ZNF263: variants seen among roughly 807,000 people sequenced by gnomAD.
The protein encoded by ZNF263 is zinc finger protein 263, also known as zinc finger protein FPM315.
Under a neutral mutation model 63.1 loss-of-function variants are expected in ZNF263, and 49 were observed. The observed-to-expected ratio is 0.78, with a 90% confidence interval of 0.62 to 0.99. The LOEUF (loss-of-function observed/expected upper bound fraction) is 0.99, where lower values mean the gene tolerates loss of function less well. Ranked by LOEUF, ZNF263 falls within the 50% of genes least tolerant of loss-of-function variation. ZNF263 has a pLI of 0.00. For missense variants in ZNF263, 872 were observed against 854.8 expected (o/e 1.02, Z -0.25); for synonymous variants, 352 against 324.2 (o/e 1.09, Z -0.92).
chr16:3,284,321 G>T, intron 1 of ZNF263, 116 bp downstream of exon 1: 1 of 1,374,512 alleles, frequency 7.3e-7, no homozygotes, highest in African/African-American at 1.5e-5. Context: ...GTGGGGAAGA[G>T]GACTTGTGAT....
At chr16:3,299,779 A>G (rs141363326) in intron 2 of ZNF263, 30 of 1,566,740 alleles carry the variant, frequency 1.9e-5, no homozygotes, top group Non-Finnish European at 2.5e-5. Flanking sequence ...TAGAACATTA[A>G]GTTGAAAATG....
downstream of ZNF263, chr16:3,291,601 G>A (rs944122988): frequency 5.7e-6 from 4 of 700,684 alleles, no homozygotes; most frequent in Middle Eastern, 7.1e-4. Context: ...GCAGCAGACA[G>A]GCAGAGGCAG....
Position 3,300,304 on chromosome 16 carries a change from T to C in ZNF263, c.*47-609T>C. 1.9e-6 allele frequency: 3 copies of C among 1,614,230 alleles called. No homozygotes were observed. The Admixed American group carries it at 5.0e-5, about 27-fold the overall frequency. On this transcript the variant is annotated intron_variant, in intron 2 of 2. Transcript: ENST00000574674. ...CCGTGCAAATCTCTCTGCAGCAGCC[T>C]GAAGCTCCACGCCTCTTACCGGAAC...
rs761905868 is a variant in ZNF263, at chr16:3,289,515, C to G, written c.1009C>G (p.Pro337Ala). ...GCCCTGGAGTCCTGAGCTGGGAAGA[C>G]CTCATGACCGGTCGCAAGGGGATTG... ...EVPWSPELGR[P>A]HDRSQGDWAP... Residue 337 changes from proline to alanine, a missense_variant, in exon 6 of 6, where the codon CCT becomes GCT. Transcript: ENST00000219069. The G allele has an allele frequency of 6.3e-7, 1 of 1,587,392 alleles. No homozygotes were observed. Among genetic ancestry groups the G allele is most frequent in the Non-Finnish European group, 8.6e-7 (1 of 1,166,538 alleles).
downstream of ZNF263, chr16:3,293,058 C>T (rs1473938598): frequency 6.6e-6 from 1 of 152,230 alleles, no homozygotes; most frequent in Non-Finnish European, 1.5e-5. Flanking sequence ...GTCTGATTCC[C>T]TTACTGCAGG....
intron 5 of ZNF263, among the ~76,000 whole-genome samples, 188 bp downstream of exon 5, chr16:3,288,758 G>C (rs1342317574): frequency 6.6e-6 from 1 of 152,184 alleles, no homozygotes; most frequent in African/African-American, 2.4e-5. Flanking sequence ...CGGTTCTCCT[G>C]CCTCAGCCTC....
Position 3,291,253 on chromosome 16 carries a change from C to A in ZNF263, c.*695C>A. The A allele has an allele frequency of 1.0e-6, 1 of 985,386 alleles. No homozygotes were observed. The highest frequency in any genetic ancestry group is 1.2e-6 in the Non-Finnish European group (1 of 829,946). The allele number at this position is 985,386 out of a possible 1,614,324, so 61.0% of individuals were successfully genotyped here. ...GCAGAGGAAGTAGGTGTCTGATAACCCTTTGTGGAGAATGAGATTCCCCCC... is the reference window on the plus strand; with the variant it reads ...GCAGAGGAAGTAGGTGTCTGATAACACTTTGTGGAGAATGAGATTCCCCCC... On this transcript the variant is annotated 3_prime_UTR_variant, in exon 6 of 6. Transcript: ENST00000219069.
chr16:3,300,694 T>G (rs775192030), intron 2 of ZNF263: 1 of 1,506,530 alleles, frequency 6.6e-7, no homozygotes, highest in Non-Finnish European at 8.8e-7. Flanking sequence ...AAACCCACAT[T>G]TTTTAAACAA....
intron 1 of ZNF263, among the ~76,000 whole-genome samples, chr16:3,298,232 T>C (rs920243728): frequency 6.6e-6 from 1 of 152,262 alleles, no homozygotes; most frequent in African/African-American, 2.4e-5. Flanking sequence ...CCTCTGCTGT[T>C]TACCAGTTTA....
At chr16:3,294,166 C>T, downstream of ZNF263, among the ~76,000 whole-genome samples, 1 of 152,234 alleles carries the variant, frequency 6.6e-6, no homozygotes, top group East Asian at 1.9e-4. Flanking sequence ...ACCTCGTGAT[C>T]TGCCCGCCTC....
intron 2 of ZNF263, chr16:3,299,301 C>T: frequency 6.2e-7 from 1 of 1,608,690 alleles, no homozygotes; most frequent in Non-Finnish European, 8.5e-7. Flanking sequence ...TTAACCACAC[C>T]CTATCATCAT....
Position 3,290,598 on chromosome 16 carries a change from A to G in ZNF263, c.*40A>G, listed in dbSNP as rs748934493. The G allele has an allele frequency of 5.2e-6, 8 of 1,549,418 alleles. No homozygotes were observed. In the Admixed American group the frequency reaches 7.9e-5, roughly 15 times the overall value. ...CTCTTTGCCCCAGGTGAGGTGGCATATTCAGAGGAGCCTGTTGGCAAGAGC... is the reference window on the plus strand; with the variant it reads ...CTCTTTGCCCCAGGTGAGGTGGCATGTTCAGAGGAGCCTGTTGGCAAGAGC... On this transcript the variant is annotated 3_prime_UTR_variant, in exon 6 of 6. Transcript: ENST00000219069.
At position 3,289,672 on chromosome 16, in the gene ZNF263, A is replaced by G; in HGVS notation, c.1166A>G (p.Asn389Ser). The G allele has an allele frequency of 6.2e-7, 1 of 1,614,242 alleles. No individual in the cohort carries two copies. Among genetic ancestry groups the G allele is most frequent in the African/African-American group, 1.3e-5 (1 of 75,072 alleles). The change falls in exon 6 of 6, where the codon AAC becomes AGC. Residue 389 changes from asparagine to serine, a missense_variant. By Grantham distance (46) the Asn-to-Ser change is conservative. Transcript: ENST00000219069. ...CCCTTGTGTGGCAAAAATTTCTCTA[A>G]CAACTCAAACCTAATTAGGCACCAG... ...LCPLCGKNFS[N>S]NSNLIRHQRI...
In ZNF263 at chr16:3,285,934, C is replaced by T. The variant is rs973101436; in HGVS notation, c.643-89C>T. ...TTCTTCCCCCCTGACATGTGCTTGG[C>T]ATCCCTGGATTTTGCCCCTTTAACC... On this transcript the variant is annotated intron_variant, in intron 3 of 5. Coordinates refer to ENST00000219069, the MANE Select transcript of ZNF263 (RefSeq NM_005741.5). 56 of 1,602,504 alleles carry T rather than the reference C, an allele frequency of 3.5e-5. No individual in the cohort carries two copies. The African/African-American group carries it at 7.1e-4, about 20-fold the overall frequency.
Position 3,290,277 on chromosome 16 carries a change from A to G in ZNF263, c.1771A>G (p.Thr591Ala), listed in dbSNP as rs1385584162. The change falls in exon 6 of 6, where the codon ACC (threonine) becomes GCC (alanine). Residue 591 changes from threonine to alanine, a missense_variant. Coordinates refer to ENST00000219069, the MANE Select transcript of ZNF263 (RefSeq NM_005741.5). ...GKSFRQGMHLTRHQRTHTGEK... is the reference protein window; with the variant it reads ...GKSFRQGMHLARHQRTHTGEK... ...AAGCTTCCGGCAGGGCATGCACCTC[A>G]CCAGACATCAGAGAACACACACAGG... 1 of 1,614,062 alleles carries G rather than the reference A, an allele frequency of 6.2e-7. No homozygotes were observed. Among genetic ancestry groups the G allele is most frequent in the South Asian group, 1.1e-5 (1 of 91,078 alleles).
intron 2 of ZNF263, chr16:3,300,102 T>A (rs949304922): frequency 2.5e-6 from 4 of 1,614,112 alleles, no homozygotes; most frequent in Non-Finnish European, 3.4e-6. Flanking sequence ...ATAGCTGAGC[T>A]AGACACAGTT....
At chr16:3,294,021 G>C (rs1959682730), downstream of ZNF263, among the ~76,000 whole-genome samples, 1 of 152,174 alleles carries the variant, frequency 6.6e-6, no homozygotes, top group African/African-American at 2.4e-5. Context: ...CGCCTCCCGG[G>C]TTCACGCCAT....
Position 3,284,118 on chromosome 16 carries a change from G to A in ZNF263, c.300G>A (p.Arg100=), listed in dbSNP as rs752816809. The change falls in exon 1 of 6, where the codon AGG becomes AGA. Residue 100 remains arginine (R), a synonymous_variant. Coordinates refer to ENST00000219069, the MANE Select transcript of ZNF263 (RefSeq NM_005741.5). ...TCCTGCCCCAGGAGATCCAGAGCAGGGTGCAGGAGCTGCATCCGGAGAGCG... is the reference window on the plus strand; with the variant it reads ...TCCTGCCCCAGGAGATCCAGAGCAGAGTGCAGGAGCTGCATCCGGAGAGCG... ...LTILPQEIQS[R]VQELHPESGE... is the part of the protein sequence containing the mutation. 11 of 1,612,176 alleles carry A rather than the reference G, an allele frequency of 6.8e-6. 1 individual carries two copies. Among genetic ancestry groups the A allele is most frequent in the Non-Finnish European group, 9.3e-6 (11 of 1,178,822 alleles).
intron 4 of ZNF263, among the ~76,000 whole-genome samples, chr16:3,287,121 T>A (rs192304631): frequency 6.6e-6 from 1 of 152,262 alleles, no homozygotes; most frequent in African/African-American, 2.4e-5. Context: ...ATATATCAGG[T>A]TTGCCTAAAA....
Sources: gnomAD v4.1 joint callset for allele counts (sites outside exome capture counted in the v4.1 genomes callset) on GRCh38, gnomAD v4.1.1 for gene constraint, MANE v1.5 for transcripts, NCBI Gene and HGNC (gene_info 2026-07-23, HGNC 2026-07-21) for gene names.